PJA1: variants seen among roughly 807,000 people sequenced by gnomAD.
PJA1 encodes praja ring finger ubiquitin ligase 1.
A neutral mutation model predicts 14.1 loss-of-function variants in PJA1; 5 were observed. The ratio of observed to expected loss-of-function variants is 0.35; its 90% CI spans 0.18 to 0.74. PJA1 has a LOEUF of 0.74. Among genes scored for constraint, PJA1 ranks in the 30% least tolerant of loss-of-function variants. PJA1 has a pLI of 0.56. For missense variants in PJA1, 394 were observed against 482.6 expected, an observed-to-expected ratio of 0.82 and a Z score of 1.72; for synonymous variants, 174 against 190.9, an observed-to-expected ratio of 0.91 and a Z score of 0.73.
chrX:69,160,798 T>A (rs1924991499), downstream of PJA1: 1 of 108,839 alleles, frequency 9.2e-6, no homozygotes, highest in African/African-American at 3.4e-5. Context: ...ATGCAAGGGA[T>A]CAATTATAAA....
Position 69,162,074 on chromosome X carries a change from T to C in PJA1, c.1000A>G (p.Ser334Gly), listed in dbSNP as rs150997516. The C allele has an allele frequency of 6.3e-5, 76 of 1,208,916 alleles. No individual in the cohort carries two copies. The African/African-American group carries it at 9.1e-4, about 15-fold the overall frequency. ...GGCAGAGTCTCCCAGCTTTCGCCAC[T>C]GGAGGACAGGGTTTGCTCTCGGCTT... ...YRSREQTLSSSGESWETLPGK... is the reference protein window; with the variant it reads ...YRSREQTLSSGGESWETLPGK... Residue 334 changes from serine to glycine, a missense_variant, in exon 2 of 2, where the codon AGT becomes GGT. Coordinates refer to ENST00000374571, the MANE Select transcript of PJA1 (RefSeq NM_001032396.4).
chrX:69,162,206 T>C lies in PJA1; in HGVS notation c.868A>G (p.Met290Val), dbSNP rs971564287. 11 of 1,208,973 alleles carry C rather than the reference T, an allele frequency of 9.1e-6. No individual in the cohort carries two copies. Among genetic ancestry groups the C allele is most frequent in the Middle Eastern group, 2.3e-4 (1 of 4,373 alleles). ...PEKVPRRRRTMADPDFWTHSD... is the reference protein window; with the variant it reads ...PEKVPRRRRTVADPDFWTHSD... ...TGCGTCCAGAAGTCAGGGTCGGCCA[T>C]GGTGCGTCGTCGTCTCGGCACCTTT... The change falls in exon 2 of 2, where the codon ATG (methionine) becomes GTG (valine). Residue 290 changes from methionine (M) to valine (V), a missense_variant. Around this residue, in one of 2 missense-constraint regions of PJA1, gnomAD observed 378 missense variants for 439.3 expected, o/e 0.86. Coordinates refer to ENST00000374571, the MANE Select transcript of PJA1 (RefSeq NM_001032396.4).
At position 69,161,481 on chromosome X, in the gene PJA1, A is replaced by G. The variant is rs752827752; in HGVS notation, c.1593T>C (p.His531=). 4.1e-6 allele frequency: 5 copies of G among 1,209,893 alleles called. No homozygotes were observed. Among genetic ancestry groups the G allele is most frequent in the Non-Finnish European group, 4.5e-6 (4 of 895,179 alleles). Residue 531 remains histidine (H), a synonymous_variant, in exon 2 of 2, where the codon CAT becomes CAC. Coordinates refer to ENST00000374571, the MANE Select transcript of PJA1 (RefSeq NM_001032396.4). Reference sequence around the variant, plus strand: ...AGCACATCTCCTGACCAACTGCGCCATGATCTTCAGTGACCAGGATCTCGG... The same window carrying G: ...AGCACATCTCCTGACCAACTGCGCCGTGATCTTCAGTGACCAGGATCTCGG... ...ALPEILVTED[H]GAVGQEMCCP...
chrX:69,165,043 G>A (rs1051350207), intron 1 of PJA1, among the ~76,000 whole-genome samples: 2 of 111,554 alleles, frequency 1.8e-5, no homozygotes, highest in Non-Finnish European at 1.9e-5. Context: ...GGAGAGGGGA[G>A]GAGAGGCAGG....
chrX:69,163,898 G>T (rs1404480008), intron 1 of PJA1, among the ~76,000 whole-genome samples: 2 of 110,303 alleles, frequency 1.8e-5, no homozygotes, highest in African/African-American at 6.6e-5. Context: ...GGGTGGCTTT[G>T]GAGGAGAGGG....
In PJA1 at chrX:69,162,580, G is replaced by A. The variant is rs773740951; in HGVS notation, c.494C>T (p.Ser165Leu). The A allele has an allele frequency of 1.7e-5, 20 of 1,208,964 alleles. No individual in the cohort carries two copies. Among genetic ancestry groups the A allele is most frequent in the East Asian group, 3.0e-5 (1 of 33,722 alleles). Residue 165 changes from serine to leucine, a missense_variant, in exon 2 of 2, where the codon TCG (serine) becomes TTG (leucine). Physicochemically the swap from Ser to Leu is moderately radical, Grantham distance 145. This residue lies in a region of PJA1 where 378 missense variants were observed against 439.3 expected (regional missense o/e 0.86). Transcript: ENST00000374571. Reference protein sequence around the residue: ...EGKLATKGDSSERERREQNLP... With the variant: ...EGKLATKGDSLERERREQNLP... ...ATTTTGCTCCCTTCTCTCCCTCTCCGAGCTGTCACCTTTTGTAGCCAGCTT... is the reference window on the plus strand; with the variant it reads ...ATTTTGCTCCCTTCTCTCCCTCTCCAAGCTGTCACCTTTTGTAGCCAGCTT...
intron 1 of PJA1, among the ~76,000 whole-genome samples, chrX:69,164,757 G>A (rs1224959646): frequency 1.0e-5 from 1 of 96,345 alleles, no homozygotes. Flanking sequence ...GTGGGGGGTA[G>A]GGGGGACGCA....
Position 69,163,015 on chromosome X carries a change from G to T in PJA1, c.59C>A (p.Thr20Asn). The T allele has an allele frequency of 3.3e-6, 4 of 1,211,398 alleles. No individual in the cohort carries two copies. Among genetic ancestry groups the T allele is most frequent in the Non-Finnish European group, 4.5e-6 (4 of 895,522 alleles). ...TKRSRSPFST[T>N]RRSWDDSESS... is the part of the protein sequence containing the mutation. ...CTCGCTGTCGTCCCAACTACGACGA[G>T]TAGTGGAAAATGGCGATCGGCTCCT... The change falls in exon 2 of 2, where the codon ACT becomes AAT. Residue 20 changes from threonine to asparagine, a missense_variant. Physicochemically the swap from Thr to Asn is moderately conservative, Grantham distance 65. Transcript: ENST00000374571.
At position 69,163,743 on chromosome X, in the gene PJA1, G is replaced by A. The variant is rs1027972711; in HGVS notation, c.-67-603C>T. On this transcript the variant is annotated intron_variant, in intron 1 of 1. Coordinates refer to ENST00000374571, the MANE Select transcript of PJA1 (RefSeq NM_001032396.4). ...GCCGTGTGTGCACGAGTGCCTATGTGTCTGTCTATCAAGAGGAGAGGGACA... is the reference window on the plus strand; with the variant it reads ...GCCGTGTGTGCACGAGTGCCTATGTATCTGTCTATCAAGAGGAGAGGGACA... 5.4e-5 allele frequency among the ~76,000 whole-genome samples: 6 copies of A among 111,474 alleles called. 1 individual carries two copies. Among genetic ancestry groups the A allele is most frequent in the African/African-American group, 2.0e-4 (6 of 30,534 alleles).
At chrX:69,164,867 G>A (rs771717371) in intron 1 of PJA1, among the ~76,000 whole-genome samples, 1 of 111,534 alleles carries the variant, frequency 9.0e-6, no homozygotes, top group Non-Finnish European at 1.9e-5. Context: ...GCGTGCGTGG[G>A]TCTAGTTTTC....
chrX:69,163,733 G>A (rs1224034734), intron 1 of PJA1, among the ~76,000 whole-genome samples: 2 of 111,552 alleles, frequency 1.8e-5, no homozygotes, highest in East Asian at 2.8e-4. Flanking sequence ...GTGTGCACGA[G>A]TGCCTATGTG....
Position 69,162,982 on chromosome X carries a change from C to G in PJA1, c.92G>C (p.Gly31Ala). The G allele has an allele frequency of 1.7e-6, 2 of 1,210,834 alleles. No individual in the cohort carries two copies. Among genetic ancestry groups the G allele is most frequent in the South Asian group, 1.8e-5 (1 of 56,844 alleles). Reference protein sequence around the residue: ...RRSWDDSESSGTNLNIDNEDY... With the variant: ...RRSWDDSESSATNLNIDNEDY... ...CTCATTATCAATATTCAGGTTGGTT[C>G]CCGAACTCTCGCTGTCGTCCCAACT... is the stretch of plus-strand genomic sequence containing the variant. Residue 31 changes from glycine to alanine, a missense_variant, in exon 2 of 2, where the codon GGA (glycine) becomes GCA (alanine). By Grantham distance (60) the Gly-to-Ala change is moderately conservative. This residue lies in a region of PJA1 where 378 missense variants were observed against 439.3 expected (regional missense o/e 0.86). Coordinates refer to ENST00000374571, the MANE Select transcript of PJA1 (RefSeq NM_001032396.4).
At position 69,161,190 on chromosome X, in the gene PJA1, G is replaced by A. The variant is rs762031868; in HGVS notation, c.*117C>T. 2.0e-6 allele frequency: 2 copies of A among 1,013,562 alleles called. No individual in the cohort carries two copies. The highest frequency in any genetic ancestry group is 1.9e-5 in the African/African-American group (1 of 51,634). The allele number at this position is 1,013,562 out of a possible 1,213,427, so 83.5% of individuals were successfully genotyped here. Reference sequence around the variant, plus strand: ...GGAAATAATCACGAGGAATCAATAGGTTTAGGCTAACTGACTGATTGGTTT... The same window carrying A: ...GGAAATAATCACGAGGAATCAATAGATTTAGGCTAACTGACTGATTGGTTT... On this transcript the variant is annotated 3_prime_UTR_variant, in exon 2 of 2. Coordinates refer to ENST00000374571, the MANE Select transcript of PJA1 (RefSeq NM_001032396.4).
In PJA1 at chrX:69,162,021, C is replaced by T; in HGVS notation, c.1053G>A (p.Gln351=). Residue 351 remains glutamine (Q), a synonymous_variant, in exon 2 of 2, where the codon CAG becomes CAA. Transcript: ENST00000374571. ...TGCCAGTGCTGGCACTCACCTTAGC[C>T]TGTGGAGGTTCCCGCTCTTCTTTCC... ...LPGKEEREPP[Q]AKVSASTGTS... 7.4e-6 allele frequency: 9 copies of T among 1,208,462 alleles called. No individual in the cohort carries two copies. The Middle Eastern group carries it at 9.2e-4, about 124-fold the overall frequency.
Position 69,162,084 on chromosome X carries a change from G to C in PJA1, c.990C>G (p.Thr330=), listed in dbSNP as rs1405632449. 1 of 1,211,140 alleles carries C rather than the reference G, an allele frequency of 8.3e-7. No individual in the cohort carries two copies. The highest frequency in any genetic ancestry group is 1.1e-6 in the Non-Finnish European group (1 of 895,286). Reference sequence around the variant, plus strand: ...CCCAGCTTTCGCCACTGGAGGACAGGGTTTGCTCTCGGCTTCGATATTTCC... The same window carrying C: ...CCCAGCTTTCGCCACTGGAGGACAGCGTTTGCTCTCGGCTTCGATATTTCC... ...LRRKYRSREQ[T]LSSSGESWET... The change falls in exon 2 of 2, where the codon ACC becomes ACG. Residue 330 remains threonine (T), a synonymous_variant. Coordinates refer to ENST00000374571, the MANE Select transcript of PJA1 (RefSeq NM_001032396.4).
rs1449775882 is a variant in PJA1, at chrX:69,162,657, T to C, written c.417A>G (p.Arg139=). The part of the protein sequence containing the change: ...PVPAARCSAS[R]ADFLPQSSVA... ...CACTACTTTGTGGCAGGAAGTCAGC[T>C]CTGCTAGCTGAGCATCTTGCTGCAG... The change falls in exon 2 of 2, where the codon AGA becomes AGG. Residue 139 remains arginine, a synonymous_variant. Transcript: ENST00000374571. 10 of 1,208,761 alleles carry C rather than the reference T, an allele frequency of 8.3e-6. No homozygotes were observed. The highest frequency in any genetic ancestry group is 1.1e-5 in the Non-Finnish European group (10 of 894,678).
In PJA1 at chrX:69,162,624, T is replaced by C. The variant is rs1278870510; in HGVS notation, c.450A>G (p.Ser150=). ...ADFLPQSSVA[S]QSSSEGKLAT... is the part of the protein sequence containing the mutation. ...CCAGCTTGCCTTCAGAAGACGACTG[T>C]GAGGCCACACTACTTTGTGGCAGGA... is the stretch of plus-strand genomic sequence containing the variant. Residue 150 remains serine, a synonymous_variant, in exon 2 of 2, where the codon TCA becomes TCG. Transcript: ENST00000374571. 1 of 1,209,334 alleles carries C rather than the reference T, an allele frequency of 8.3e-7. No individual in the cohort carries two copies. The highest frequency in any genetic ancestry group is 1.8e-5 in the African/African-American group (1 of 56,973).
Position 69,161,010 on chromosome X carries a change from T to C in PJA1, c.*297A>G. On this transcript the variant is annotated 3_prime_UTR_variant, in exon 2 of 2. Coordinates refer to ENST00000374571, the MANE Select transcript of PJA1 (RefSeq NM_001032396.4). ...AAGTAACAGCAACACATTCCCATTC[T>C]ACTGAAGAAAACAAATGCGATTTAA... 3.8e-6 allele frequency: 1 copy of C among 262,964 alleles called. No homozygotes were observed. The allele number at this position is 262,964 out of a possible 1,213,427, so 21.7% of individuals were successfully genotyped here. A position where few individuals can be genotyped will look rare whatever the true frequency, so the allele number is the denominator to read the frequency against.
chrX:69,162,928 T>C lies in PJA1; in HGVS notation c.146A>G (p.Tyr49Cys). The change falls in exon 2 of 2, where the codon TAC (tyrosine) becomes TGC (cysteine). Residue 49 changes from tyrosine (Y) to cysteine (C), a missense_variant. Coordinates refer to ENST00000374571, the MANE Select transcript of PJA1 (RefSeq NM_001032396.4). ...TCCTCTTCTGCTACCCGAAGCTCTG[T>C]ACTCTCTTGGCGGATACCTGGAATA... ...EDYSRYPPRE[Y>C]RASGSRRGMA... 3 of 1,211,593 alleles carry C rather than the reference T, an allele frequency of 2.5e-6. No individual in the cohort carries two copies. The highest frequency in any genetic ancestry group is 3.4e-6 in the Non-Finnish European group (3 of 895,509).
Sources: gnomAD v4.1 joint callset for allele counts (sites outside exome capture counted in the v4.1 genomes callset) on GRCh38, gnomAD v4.1.1 for gene constraint, gnomAD v4.1.1 regional missense constraint, MANE v1.5 for transcripts, NCBI Gene and HGNC (gene_info 2026-07-23, HGNC 2026-07-21) for gene names.